The following FLNB variants were observed in gnomAD, a reference collection of about 807,000 sequenced individuals.
The protein encoded by FLNB is filamin B.
In FLNB, 111 loss-of-function variants were observed where a neutral mutation model predicts 250.6. The observed-to-expected ratio is 0.44, with a 90% CI of 0.38 to 0.52. The LOEUF is 0.52. Ranked by LOEUF, FLNB falls within the 20% of genes least tolerant of loss-of-function variation. FLNB has a pLI of 0.00. For synonymous variants in FLNB, 1,302 were observed against 1,372.1 expected, an observed-to-expected ratio of 0.95 and a Z score of 1.13; for missense variants, 2,869 against 3,447.8, an observed-to-expected ratio of 0.83 and a Z score of 4.20.
At chr3:58,132,234 T>C in intron 25 of FLNB, 1 of 563,482 alleles carries the variant, frequency 1.8e-6, no homozygotes, top group South Asian at 2.1e-5. Context: ...TGTTTTAGCA[T>C]AATCTCTAAC....
At chr3:58,078,468 T>C (rs1433410813) in intron 2 of FLNB, 4 of 1,536,070 alleles carry the variant, frequency 2.6e-6, no homozygotes, top group Admixed American at 2.0e-5. Context: ...CTTCAAGGAA[T>C]GGATAATCCC....
intron 1 of FLNB, among the ~76,000 whole-genome samples, chr3:58,039,039 T>TTA (rs1559650909): frequency 7.0e-6 from 1 of 142,038 alleles, no homozygotes; most frequent in African/African-American, 2.7e-5. Flanking sequence ...TTTTTTTTTT[T>TTA]AAAAAAAAGA....
chr3:58,105,909 C>G (rs1448976868), intron 11 of FLNB, among the ~76,000 whole-genome samples: 3 of 152,160 alleles, frequency 2.0e-5, no homozygotes, highest in Non-Finnish European at 4.4e-5. Flanking sequence ...ATTTTCCCTT[C>G]TAGAGAGATG....
rs1379156021 is a variant in FLNB at position 58,148,758 on chromosome 3, T to C, written c.5997T>C (p.Ile1999=). The C allele has an allele frequency of 6.2e-7, 1 of 1,613,848 alleles. No homozygotes were observed. ...CTATCATGGTGGTCCAGTCGGAGATTGGTGACGCCCGCCGAGCCAAAGTCT... is the reference window on the plus strand; with the variant it reads ...CTATCATGGTGGTCCAGTCGGAGATCGGTGACGCCCGCCGAGCCAAAGTCT... ...PVSIMVVQSE[I]GDARRAKVYG... Residue 1999 remains isoleucine (I), a synonymous_variant, in exon 36 of 46, where the codon ATT becomes ATC. Coordinates refer to ENST00000295956, the MANE Select transcript of FLNB (RefSeq NM_001457.4).
At chr3:58,075,398 G>A (rs2097200291) in intron 1 of FLNB, among the ~76,000 whole-genome samples, 1 of 152,180 alleles carries the variant, frequency 6.6e-6, no homozygotes, top group African/African-American at 2.4e-5. Flanking sequence ...ATGGGTGAAG[G>A]TCTTCCCATC....
At chr3:58,083,029 A>G (rs1313883414) in intron 4 of FLNB, among the ~76,000 whole-genome samples, 3 of 152,214 alleles carry the variant, frequency 2.0e-5, no homozygotes, top group Non-Finnish European at 4.4e-5. Flanking sequence ...ATCCTCTAGC[A>G]TAACCACAGT....
At chr3:58,158,541 C>T (rs572811519) in intron 41 of FLNB, among the ~76,000 whole-genome samples, 18 of 152,334 alleles carry the variant, frequency 1.2e-4, no homozygotes, top group African/African-American at 4.3e-4. Flanking sequence ...TTTGCTTACA[C>T]ATTAAGTGTG....
At chr3:58,079,670 A>G (rs1459144117) in intron 3 of FLNB, among the ~76,000 whole-genome samples, 4 of 152,234 alleles carry the variant, frequency 2.6e-5, no homozygotes, top group Non-Finnish European at 4.4e-5. Context: ...CAGAAATCAA[A>G]TAAGTCTTGG....
chr3:58,103,673 G>A (rs1242083827), intron 9 of FLNB, among the ~76,000 whole-genome samples: 2 of 152,170 alleles, frequency 1.3e-5, no homozygotes, highest in African/African-American at 4.8e-5. Flanking sequence ...CAGGCCCAGG[G>A]AGTTCAGGAC....
chr3:58,132,357 G>A, intron 25 of FLNB: 1 of 415,642 alleles, frequency 2.4e-6, no homozygotes, highest in Non-Finnish European at 4.5e-6. Flanking sequence ...GCTCAAAGGT[G>A]GCCACAAGTC....
chr3:58,104,193 G>A, intron 10 of FLNB, 108 bp downstream of exon 10: 2 of 1,033,518 alleles, frequency 1.9e-6, no homozygotes, highest in Non-Finnish European at 2.8e-6. Context: ...CTGCTTTGTT[G>A]AAAACTTTTT....
At position 58,125,613 on chromosome 3, in the gene FLNB, G is replaced by T; in HGVS notation, c.3931G>T (p.Val1311Leu). 6.2e-7 allele frequency: 1 copy of T among 1,614,168 alleles called. No individual in the cohort carries two copies. The highest frequency in any genetic ancestry group is 1.1e-5 in the South Asian group (1 of 91,078). Reference protein sequence around the residue: ...LHVVEVTYDDVPIPNSPFKVA... With the variant: ...LHVVEVTYDDLPIPNSPFKVA... ...TGTAGTGGAGGTGACATATGATGAC[G>T]TGCCTATCCCAAACAGTCCCTTCAA... The change falls in exon 23 of 46, where the codon GTG (valine) becomes TTG (leucine). Residue 1311 changes from valine to leucine, a missense_variant. This residue lies in a region of FLNB where 1,348 missense variants were observed against 1,466.7 expected (regional missense o/e 0.92). Coordinates refer to ENST00000295956, the MANE Select transcript of FLNB (RefSeq NM_001457.4).
At position 58,118,904 on chromosome 3, in the gene FLNB, C is replaced by T. The variant is rs372492210; in HGVS notation, c.2778C>T (p.Gly926=). Residue 926 remains glycine, a synonymous_variant, in exon 19 of 46, where the codon GGC becomes GGT. Coordinates refer to ENST00000295956, the MANE Select transcript of FLNB (RefSeq NM_001457.4). ...TGCAGGTTCTGGTGACTTACGGTGG[C>T]GATCCCATCCCTAAAAGCCCTTTCA... ...GNMQVLVTYG[G]DPIPKSPFTV... 7 of 1,613,870 alleles carry T rather than the reference C, an allele frequency of 4.3e-6. No individual in the cohort carries two copies. Among genetic ancestry groups the T allele is most frequent in the South Asian group, 3.3e-5 (3 of 91,074 alleles).
intron 1 of FLNB, among the ~76,000 whole-genome samples, chr3:58,071,260 ATC>A (rs141016852): frequency 0.064 from 8,559 of 132,730 alleles, 881 homozygotes; most frequent in African/African-American, 0.23. Context: ...ACACACCCCT[ATC>A]TCTCCTCGAT....
At chr3:58,039,325 A>G (rs985462530) in intron 1 of FLNB, among the ~76,000 whole-genome samples, 1 of 149,954 alleles carries the variant, frequency 6.7e-6, no homozygotes, top group African/African-American at 2.4e-5. Context: ...AAAAAAAAAA[A>G]GGTGTAGAAA....
rs372197754 is a variant in FLNB, at chr3:58,169,722, C to T, written c.7550C>T (p.Ser2517Phe). The T allele has an allele frequency of 3.7e-6, 6 of 1,613,918 alleles. No homozygotes were observed. The highest frequency in any genetic ancestry group is 1.6e-4 in the Middle Eastern group (1 of 6,084). The stretch of plus-strand genomic sequence containing the variant: ...TCCTCGGACGCCAGCAAGGTGACCT[C>T]TAAGGGGGCAGGGCTCTCAAAGGCC... ...KASSDASKVT[S>F]KGAGLSKAFV... The change falls in exon 45 of 46, where the codon TCT becomes TTT. Residue 2517 changes from serine (S) to phenylalanine (F), a missense_variant. Transcript: ENST00000295956. The surrounding 1 kb of genome is among the most constrained non-coding windows in gnomAD (Gnocchi z 4.8).
At chr3:58,128,605 T>G (rs1302279576) in intron 24 of FLNB, among the ~76,000 whole-genome samples, 2 of 151,450 alleles carry the variant, frequency 1.3e-5, no homozygotes, top group South Asian at 4.2e-4. Context: ...TAGGAGAGAG[T>G]TGGGCACAGG....
chr3:58,114,319 C>T (rs2097274223), intron 18 of FLNB, among the ~76,000 whole-genome samples: 1 of 151,866 alleles, frequency 6.6e-6, no homozygotes, highest in Non-Finnish European at 1.5e-5. Flanking sequence ...GCCAAGGTTT[C>T]ACCATGGGGT....
At chr3:58,130,953 G>A (rs761132545) in intron 25 of FLNB, 45 bp downstream of exon 25, 2 of 1,571,976 alleles carry the variant, frequency 1.3e-6, no homozygotes, top group Admixed American at 1.8e-5. Flanking sequence ...TCTGCCCCAG[G>A]CAGGGGCAGC....
Sources: gnomAD v4.1 joint callset for allele counts (sites outside exome capture counted in the v4.1 genomes callset) on GRCh38, gnomAD v4.1.1 for gene constraint, gnomAD v4.1.1 regional missense constraint, Gnocchi (gnomAD v3.1) non-coding constraint, MANE v1.5 for transcripts, NCBI Gene and HGNC (gene_info 2026-07-23, HGNC 2026-07-21) for gene names.